The following LRP1B variants were observed in gnomAD, a reference collection of about 807,000 sequenced individuals.
The protein encoded by LRP1B is LDL receptor related protein 1B.
Under a neutral mutation model 556.6 loss-of-function variants are expected in LRP1B, and 217 were observed. The ratio of observed to expected loss-of-function variants is 0.39; its 90% CI spans 0.35 to 0.44. The LOEUF (loss-of-function observed/expected upper bound fraction) is 0.44, where lower values mean the gene tolerates loss of function less well. LRP1B is among the 20% of genes least tolerant of loss of function. LRP1B has a pLI of 1.00. For missense variants in LRP1B, 5,053 were observed against 5,620.8 expected (o/e 0.90, Z 3.23); for synonymous variants, 2,047 against 1,865.8 (o/e 1.10, Z -2.50).
At chr2:140,752,298 G>A (rs12691560) in intron 35 of LRP1B, among the ~76,000 whole-genome samples, 148,686 of 151,180 alleles carry the variant, frequency 0.98, 73,159 homozygotes, top group Middle Eastern at 1. Flanking sequence ...ATCTAATTCT[G>A]GGTAATTATG....
At chr2:140,684,120 A>G (rs1329202796) in intron 41 of LRP1B, among the ~76,000 whole-genome samples, 1 of 152,252 alleles carries the variant, frequency 6.6e-6, no homozygotes. Flanking sequence ...GACGGAATCT[A>G]TAAAATAGGT....
At chr2:141,980,050 C>A (rs1260193657) in intron 1 of LRP1B, among the ~76,000 whole-genome samples, 1 of 152,100 alleles carries the variant, frequency 6.6e-6, no homozygotes. Flanking sequence ...TAGTCCAAAT[C>A]ATTGAATATC....
intron 66 of LRP1B, among the ~76,000 whole-genome samples, chr2:140,421,846 G>C (rs1685458555): frequency 6.6e-6 from 1 of 152,168 alleles, no homozygotes; most frequent in Non-Finnish European, 1.5e-5. Context: ...TCTGCTTCTA[G>C]TAACTCTTGA....
chr2:140,774,354 C>A (rs1038881684), intron 33 of LRP1B, among the ~76,000 whole-genome samples: 13 of 152,194 alleles, frequency 8.5e-5, no homozygotes, highest in African/African-American at 2.9e-4. Flanking sequence ...AGAATCAAAT[C>A]TTTAAAAGAT....
intron 1 of LRP1B, among the ~76,000 whole-genome samples, chr2:141,887,510 T>C (rs1699163776): frequency 6.6e-6 from 1 of 152,180 alleles, no homozygotes. Context: ...ACTACATTTA[T>C]CATTTTTTGA....
chr2:141,836,449 T>C (rs933566343), intron 1 of LRP1B, among the ~76,000 whole-genome samples: 2 of 151,968 alleles, frequency 1.3e-5, no homozygotes, highest in African/African-American at 4.8e-5. Context: ...CTATTTTTTT[T>C]CTCTTTTATT....
chr2:141,963,117 C>A (rs1156568160), intron 1 of LRP1B, among the ~76,000 whole-genome samples: 1 of 151,750 alleles, frequency 6.6e-6, no homozygotes, highest in Non-Finnish European at 1.5e-5. Flanking sequence ...CTGCATAAAA[C>A]TTATATATTT....
intron 12 of LRP1B, among the ~76,000 whole-genome samples, chr2:141,017,532 C>A (rs1697939716): frequency 6.6e-6 from 1 of 151,522 alleles, no homozygotes; most frequent in Non-Finnish European, 1.5e-5. Context: ...GCATATTTTA[C>A]TATTTGAGAA....
chr2:141,730,381 G>A (rs1003489627), intron 2 of LRP1B, among the ~76,000 whole-genome samples: 14 of 152,050 alleles, frequency 9.2e-5, no homozygotes, highest in Admixed American at 2.0e-4. Context: ...AAGCTGAGAC[G>A]TCCACAGATT....
chr2:141,329,097 T>C (rs1316379966), intron 3 of LRP1B, among the ~76,000 whole-genome samples: 3 of 152,152 alleles, frequency 2.0e-5, no homozygotes, highest in Non-Finnish European at 4.4e-5. Context: ...TTTTAAAATG[T>C]TTGAGGCTGA....
intron 41 of LRP1B, among the ~76,000 whole-genome samples, chr2:140,614,610 A>G (rs1326023806): frequency 6.6e-6 from 1 of 152,170 alleles, no homozygotes; most frequent in East Asian, 1.9e-4. Context: ...TTTTAATGTT[A>G]TGTGGCAGAA....
At chr2:141,460,360 T>A (rs1681815505) in intron 3 of LRP1B, among the ~76,000 whole-genome samples, 2 of 152,122 alleles carry the variant, frequency 1.3e-5, no homozygotes. Flanking sequence ...GAAGTATCCC[T>A]GATATAATTA....
intron 11 of LRP1B, among the ~76,000 whole-genome samples, chr2:141,030,827 T>C (rs1183207267): frequency 6.6e-6 from 1 of 151,990 alleles, no homozygotes; most frequent in Non-Finnish European, 1.5e-5. Context: ...TAAAAGTTAA[T>C]GAATAAAGAG....
chr2:140,624,249 G>A (rs568139291), intron 41 of LRP1B, among the ~76,000 whole-genome samples: 1 of 152,004 alleles, frequency 6.6e-6, no homozygotes, highest in South Asian at 2.1e-4. Context: ...TACTCACAAG[G>A]CAAACAGACT....
rs1680310308 is a variant in LRP1B, at chr2:140,323,929, C to A, written c.12478G>T (p.Gly4160Cys). 1.3e-6 allele frequency: 2 copies of A among 1,580,236 alleles called. No individual in the cohort carries two copies. Among genetic ancestry groups the A allele is most frequent in the Non-Finnish European group, 1.7e-6 (2 of 1,150,906 alleles). ...TTATAACGATGAGATATCAAAACAC[C>A]TTTTGTTTTATCAATATTTAAAGCT... ...YLALNIDKTK[G>C]VLISHRYKQL... Residue 4160 changes from glycine to cysteine, a missense_variant, in exon 81 of 91, where the codon GGT becomes TGT. Around this residue, in one of 5 missense-constraint regions of LRP1B, gnomAD observed 551 missense variants for 592.0 expected, o/e 0.93. Coordinates refer to ENST00000389484, the MANE Select transcript of LRP1B (RefSeq NM_018557.3).
intron 2 of LRP1B, among the ~76,000 whole-genome samples, chr2:141,643,430 A>G (rs1359309515): frequency 1.3e-5 from 2 of 152,178 alleles, no homozygotes; most frequent in East Asian, 1.9e-4. Flanking sequence ...AGTAGCCTAC[A>G]TATATATTTA....
At chr2:141,330,511 T>C (rs573309642) in intron 3 of LRP1B, among the ~76,000 whole-genome samples, 2 of 152,338 alleles carry the variant, frequency 1.3e-5, no homozygotes, top group African/African-American at 2.4e-5. Flanking sequence ...AACTCTGTAA[T>C]TGATTTATTA....
intron 1 of LRP1B, among the ~76,000 whole-genome samples, chr2:142,121,018 A>G (rs1448006716): frequency 6.6e-6 from 1 of 152,190 alleles, no homozygotes; most frequent in Non-Finnish European, 1.5e-5. Context: ...TTATTATCTG[A>G]TTAGAATATT....
intron 2 of LRP1B, 110 bp downstream of exon 2, chr2:141,810,166 AAGG>A (rs1226759955): frequency 3.5e-5 from 14 of 404,484 alleles, no homozygotes; most frequent in South Asian, 2.5e-4. Flanking sequence ...AGAAAGAAAG[AAGG>A]AAAGAAAGAA....
Sources: gnomAD v4.1 joint callset for allele counts (sites outside exome capture counted in the v4.1 genomes callset) on GRCh38, gnomAD v4.1.1 for gene constraint, gnomAD v4.1.1 regional missense constraint, MANE v1.5 for transcripts, NCBI Gene and HGNC (gene_info 2026-07-23, HGNC 2026-07-21) for gene names.